The following FRY variants were observed in gnomAD, a reference collection of about 807,000 sequenced individuals.
FRY encodes the protein FRY microtubule binding protein, also known as protein furry homolog.
Under a neutral mutation model 348.4 loss-of-function variants are expected in FRY, and 128 were observed. That is an observed-to-expected ratio of 0.37 (90% CI 0.32 to 0.43). FRY has a LOEUF of 0.43. Ranked by LOEUF, FRY falls within the 20% of genes least tolerant of loss-of-function variation. The pLI, the probability that FRY is intolerant of heterozygous loss-of-function variation, is 1.00. For synonymous variants in FRY, 1,370 were observed against 1,374.7 expected (o/e 1.00, Z 0.08); for missense variants, 2,736 against 3,695.2 (o/e 0.74, Z 6.73).
chr13:32,293,058 G>A (rs916064684), intron 59 of FRY, among the ~76,000 whole-genome samples: 1 of 152,106 alleles, frequency 6.6e-6, no homozygotes, highest in African/African-American at 2.4e-5. Context: ...CTACAATATT[G>A]TGTAAACATA....
At position 32,194,307 on chromosome 13, in the gene FRY, T is replaced by G; in HGVS notation, c.3746+10T>G. ...CTGTGTGTGGAAGCAGGTACGAATT[T>G]TTATAAGCAGTGATGAGTGGCAAGT... On this transcript the variant is annotated intron_variant, in intron 29 of 60. Coordinates refer to ENST00000542859, the MANE Select transcript of FRY (RefSeq NM_023037.3). The G allele has an allele frequency of 6.2e-7, 1 of 1,613,744 alleles. No homozygotes were observed. Among genetic ancestry groups the G allele is most frequent in the Non-Finnish European group, 8.5e-7 (1 of 1,179,618 alleles).
intron 3 of FRY, among the ~76,000 whole-genome samples, chr13:32,114,236 G>A (rs1050133326): frequency 5.3e-5 from 8 of 152,186 alleles, no homozygotes; most frequent in Non-Finnish European, 8.8e-5. Flanking sequence ...TGGATTTGCA[G>A]AAAAGTTGCA....
chr13:32,171,500 T>G (rs1882066824), intron 18 of FRY, among the ~76,000 whole-genome samples: 1 of 151,714 alleles, frequency 6.6e-6, no homozygotes, highest in South Asian at 2.1e-4. Flanking sequence ...TAGCAGAGAT[T>G]GGGGTTTTGC....
chr13:32,116,417 T>G (rs1192848054), intron 3 of FRY, among the ~76,000 whole-genome samples: 1 of 152,166 alleles, frequency 6.6e-6, no homozygotes, highest in Non-Finnish European at 1.5e-5. Flanking sequence ...ACTCTGTGGT[T>G]TGTCCCTTAT....
At chr13:32,071,353 T>C (rs1280120320) in intron 1 of FRY, among the ~76,000 whole-genome samples, 2 of 152,242 alleles carry the variant, frequency 1.3e-5, no homozygotes, top group East Asian at 3.8e-4. Flanking sequence ...GTGCATTGAA[T>C]GTTCTTCCAT....
At chr13:32,271,593 T>G (rs1888206466) in intron 55 of FRY, among the ~76,000 whole-genome samples, 1 of 152,134 alleles carries the variant, frequency 6.6e-6, no homozygotes, top group Non-Finnish European at 1.5e-5. Flanking sequence ...CCACCTCCAC[T>G]GGGGACTCTC....
intron 1 of FRY, among the ~76,000 whole-genome samples, chr13:32,066,044 C>T (rs1017791211): frequency 3.3e-5 from 5 of 152,114 alleles, no homozygotes; most frequent in Non-Finnish European, 5.9e-5. Flanking sequence ...TAAAATTGAC[C>T]GTAATTCTTT....
intron 2 of FRY, among the ~76,000 whole-genome samples, chr13:32,097,937 G>A (rs391180): frequency 0.82 from 124,105 of 151,810 alleles, 51,497 homozygotes; most frequent in Non-Finnish European, 0.89. Flanking sequence ...CCACAATAAA[G>A]AGTATTTTTA....
chr13:32,191,784 A>T (rs1419786597), intron 28 of FRY, among the ~76,000 whole-genome samples: 1 of 152,098 alleles, frequency 6.6e-6, no homozygotes, highest in African/African-American at 2.4e-5. Context: ...TGAGAGCACT[A>T]ATCTCATTCA....
At chr13:32,265,718 C>A in intron 54 of FRY, 102 bp downstream of exon 54, 1 of 1,167,842 alleles carries the variant, frequency 8.6e-7, no homozygotes, top group Non-Finnish European at 1.3e-6. Flanking sequence ...CTGGGACATC[C>A]TAATAAAGGA....
chr13:32,122,621 T>C (rs926238729), intron 4 of FRY, among the ~76,000 whole-genome samples: 6 of 152,056 alleles, frequency 3.9e-5, no homozygotes, highest in Admixed American at 6.5e-5. Flanking sequence ...CTCTGAGAAC[T>C]GGAACAAGAC....
At chr13:32,079,296 T>C (rs906241512) in intron 2 of FRY, among the ~76,000 whole-genome samples, 5 of 152,156 alleles carry the variant, frequency 3.3e-5, no homozygotes, top group Non-Finnish European at 7.3e-5. Flanking sequence ...ATAAGCTTAA[T>C]TTAACAAGAA....
At chr13:32,110,376 A>T (rs998048007) in intron 3 of FRY, among the ~76,000 whole-genome samples, 1 of 152,154 alleles carries the variant, frequency 6.6e-6, no homozygotes, top group African/African-American at 2.4e-5. Flanking sequence ...ACAGCATTTT[A>T]TTTCAGATTC....
At chr13:32,224,476 C>A (rs1463994309) in intron 37 of FRY, 91 bp downstream of exon 37, 2 of 1,159,768 alleles carry the variant, frequency 1.7e-6, no homozygotes, top group Non-Finnish European at 2.5e-6. Flanking sequence ...GGTCCCACCA[C>A]ATTAAATTAT....
chr13:32,037,027 T>C (rs964182599), intron 1 of FRY, among the ~76,000 whole-genome samples: 5 of 99,522 alleles, frequency 5.0e-5, no homozygotes, highest in African/African-American at 2.0e-4. Context: ...CTCTCTGTTT[T>C]ACACACACAC....
chr13:32,225,663 C>T (rs1185570773), intron 38 of FRY, 126 bp from the exon 39 acceptor site: 6 of 838,468 alleles, frequency 7.2e-6, no homozygotes, highest in Admixed American at 1.8e-5. Context: ...GTAACCCAAA[C>T]AATAACAAAG....
chr13:32,245,066 C>T (rs945179181), intron 47 of FRY, among the ~76,000 whole-genome samples: 13 of 152,148 alleles, frequency 8.5e-5, no homozygotes, highest in Non-Finnish European at 1.5e-4. Flanking sequence ...CCTTCTGCCT[C>T]AACCTCCCAA....
At chr13:32,192,342 C>CGGCTGGAGTGCAGTGGCTGGAGTGCAGT (rs545645001) in intron 28 of FRY, among the ~76,000 whole-genome samples, 35 of 151,794 alleles carry the variant, frequency 2.3e-4, no homozygotes, top group South Asian at 1.3e-3. Context: ...TCTGTCCCCC[C>CGGCTGGAGTGCAGTGGCTGGAGTGCAGT]GGCTGGAGTG....
intron 11 of FRY, among the ~76,000 whole-genome samples, chr13:32,140,461 A>G (rs1212781146): frequency 1.3e-5 from 2 of 152,318 alleles, no homozygotes; most frequent in African/African-American, 4.8e-5. Context: ...ACAATTCTTT[A>G]TAAGTAGTCT....
Sources: gnomAD v4.1 joint callset for allele counts (sites outside exome capture counted in the v4.1 genomes callset) on GRCh38, gnomAD v4.1.1 for gene constraint, MANE v1.5 for transcripts, NCBI Gene and HGNC (gene_info 2026-07-23, HGNC 2026-07-21) for gene names.